TTN: variants seen among roughly 807,000 people sequenced by gnomAD.
TTN encodes the protein titin.
In TTN, 1,525 loss-of-function variants were observed where a neutral mutation model predicts 3,223.0. The observed-to-expected ratio is 0.47, with a 90% confidence interval of 0.45 to 0.49. The LOEUF (loss-of-function observed/expected upper bound fraction) is 0.49. Ranked by LOEUF, TTN falls within the 20% of genes least tolerant of loss-of-function variation. The pLI, the probability that TTN is intolerant of heterozygous loss-of-function variation, is 0.00. For synonymous variants in TTN, 14,094 were observed against 15,161.0 expected (o/e 0.93, Z 5.17); for missense variants, 40,786 against 43,424.0 (o/e 0.94, Z 5.40).
Position 178,684,004 on chromosome 2 carries a change from G to A in TTN, c.32801C>T (p.Ala10934Val). Residue 10934 changes from alanine (A) to valine (V), a missense_variant, in exon 133 of 363, where the codon GCT becomes GTT. By Grantham distance (64) the Ala-to-Val change is moderately conservative. Coordinates refer to ENST00000589042, the MANE Select transcript of TTN (RefSeq NM_001267550.2). ...LKPKREEEPP[A>V]KVTEFRKRVV... ...TTTTTTAAGAGTCAGTATACCTTTAGCTGGTGGTTCCTCCTCTCTTTTAGG... is the reference window on the plus strand; with the variant it reads ...TTTTTTAAGAGTCAGTATACCTTTAACTGGTGGTTCCTCCTCTCTTTTAGG... The A allele has an allele frequency of 1.3e-6, 2 of 1,586,862 alleles. No individual in the cohort carries two copies. Among genetic ancestry groups the A allele is most frequent in the Non-Finnish European group, 1.7e-6 (2 of 1,169,222 alleles).
chr2:178,587,245 TTTC>T lies in TTN; in HGVS notation c.63963_63965del (p.Lys21322del). 1 of 1,613,232 alleles carries T rather than the reference TTTC, an allele frequency of 6.2e-7. No individual in the cohort carries two copies. The highest frequency in any genetic ancestry group is 8.5e-7 in the Non-Finnish European group (1 of 1,179,468). On this transcript the variant is annotated inframe_deletion, in exon 307 of 363. Transcript: ENST00000589042. ...CAAGATTGGTTACATGGAAGCTTGT[TTTC>T]TTAACTTCTGGGGTAACGGTCGACC...
At chr2:178,645,420 T>G (rs975491224) in intron 217 of TTN, among the ~76,000 whole-genome samples, 10 of 149,238 alleles carry the variant, frequency 6.7e-5, no homozygotes, top group African/African-American at 2.6e-4. Flanking sequence ...TTTCCTTTCA[T>G]GATATATAGG....
chr2:178,615,352 C>G lies in TTN; in HGVS notation c.48593G>C (p.Gly16198Ala). ...TCCACAGGCAACCCATTTATCAGAA[C>G]CACGTGGACATCTTTCAACTATATA... ...KGYIVERCPR[G>A]SDKWVACGEP... is the part of the protein sequence containing the mutation. Residue 16198 changes from glycine to alanine, a missense_variant, in exon 259 of 363, where the codon GGT becomes GCT. Transcript: ENST00000589042. 1.2e-6 allele frequency: 2 copies of G among 1,612,482 alleles called. No individual in the cohort carries two copies. Among genetic ancestry groups the G allele is most frequent in the Non-Finnish European group, 1.7e-6 (2 of 1,179,006 alleles).
chr2:178,670,987 A>C (rs930964789), intron 156 of TTN, 103 bp downstream of exon 156: 2 of 830,762 alleles, frequency 2.4e-6, no homozygotes, highest in African/African-American at 3.6e-5. Flanking sequence ...GAAACAAGAA[A>C]TACAGAAGAA....
At position 178,535,778 on chromosome 2, in the gene TTN, C is replaced by T. The variant is rs1691163067; in HGVS notation, c.100837G>A (p.Val33613Ile). The change falls in exon 358 of 363, where the codon GTC becomes ATC. Residue 33613 changes from valine to isoleucine, a missense_variant. By Grantham distance (29) the Val-to-Ile change is conservative. Coordinates refer to ENST00000589042, the MANE Select transcript of TTN (RefSeq NM_001267550.2). ...CCACTGAAAGGAATCTTGATGCTGACCACTTCACCTCGGAGAGCATGAACT... is the reference window on the plus strand; with the variant it reads ...CCACTGAAAGGAATCTTGATGCTGATCACTTCACCTCGGAGAGCATGAACT... ...GAVHALRGEVVSIKIPFSGKP... is the reference protein window; with the variant it reads ...GAVHALRGEVISIKIPFSGKP... 1.2e-6 allele frequency: 2 copies of T among 1,612,878 alleles called. No individual in the cohort carries two copies. The highest frequency in any genetic ancestry group is 1.7e-6 in the Non-Finnish European group (2 of 1,179,706).
At position 178,582,185 on chromosome 2, in the gene TTN, G is replaced by A; in HGVS notation, c.66184C>T (p.Pro22062Ser). 4 of 1,612,694 alleles carry A rather than the reference G, an allele frequency of 2.5e-6. No homozygotes were observed. Among genetic ancestry groups the A allele is most frequent in the Non-Finnish European group, 3.4e-6 (4 of 1,179,428 alleles). Reference protein sequence around the residue: ...PYDPPGRCDPPVISNITKDHM... With the variant: ...PYDPPGRCDPSVISNITKDHM... ...TCTTTGGTTATGTTGCTAATAACAG[G>A]AGGATCACAGCGTCCTGGTGGGTCT... The change falls in exon 315 of 363, where the codon CCT becomes TCT. Residue 22062 changes from proline (P) to serine (S), a missense_variant. Pro to Ser is a moderately conservative substitution (Grantham distance 74). Coordinates refer to ENST00000589042, the MANE Select transcript of TTN (RefSeq NM_001267550.2).
At chr2:178,652,630 C>T (rs777823682) in intron 201 of TTN, 23 bp downstream of exon 201, 64 of 1,608,326 alleles carry the variant, frequency 4.0e-5, no homozygotes, top group East Asian at 1.8e-4. Flanking sequence ...GATCTTCTGA[C>T]GCTTAAACTC....
chr2:178,598,879 A>G lies in TTN; in HGVS notation c.56831T>C (p.Leu18944Ser). 6.2e-7 allele frequency: 1 copy of G among 1,613,242 alleles called. No individual in the cohort carries two copies. The highest frequency in any genetic ancestry group is 8.5e-7 in the Non-Finnish European group (1 of 1,179,504). ...ACCAGTCACTTTATAAGAAACACCC[A>G]AAGTCATGGCTTTGATAGGATCTCG... ...VNRDPIKAMT[L>S]GVSYKVTGLI... The change falls in exon 291 of 363, where the codon TTG becomes TCG. Residue 18944 changes from leucine to serine, a missense_variant. Leu to Ser is a moderately radical substitution (Grantham distance 145). Transcript: ENST00000589042.
At chr2:178,714,797 C>T (rs1577898098) in intron 90 of TTN, among the ~76,000 whole-genome samples, 189 bp downstream of exon 90, 1 of 152,050 alleles carries the variant, frequency 6.6e-6, no homozygotes, top group African/African-American at 2.4e-5. Context: ...CTAATTACAA[C>T]ATTATCTAAA....
At position 178,630,850 on chromosome 2, in the gene TTN, A is replaced by C. The variant is rs2059714410; in HGVS notation, c.44108T>G (p.Ile14703Ser). The C allele has an allele frequency of 6.2e-7, 1 of 1,613,220 alleles. No individual in the cohort carries two copies. The highest frequency in any genetic ancestry group is 8.5e-7 in the Non-Finnish European group (1 of 1,179,522). ...TCCCTTGAGTTTCCAGTTGGCGTGG[A>C]TATCATCTTCAGAGATTTCGGTTTC... ...RFETEISEDD[I>S]HANWKLKGEA... Residue 14703 changes from isoleucine (I) to serine (S), a missense_variant, in exon 238 of 363, where the codon ATC (isoleucine) becomes AGC (serine). Transcript: ENST00000589042.
intron 361 of TTN, 181 bp downstream of exon 361, chr2:178,528,093 C>G (rs780285987): frequency 5.8e-5 from 40 of 688,712 alleles, no homozygotes; most frequent in Non-Finnish European, 7.9e-5. Context: ...TGTAATCTAT[C>G]CAAGTTTCTG....
In TTN at chr2:178,614,639, C is replaced by T; in HGVS notation, c.48875G>A (p.Trp16292Ter). The change falls in exon 261 of 363, where the codon TGG becomes TAG. Residue 16292 changes from tryptophan to a stop codon, truncating the protein, a stop_gained. Coordinates refer to ENST00000589042, the MANE Select transcript of TTN (RefSeq NM_001267550.2). LOFTEE classifies it high-confidence loss of function. ...CTTCAGAATCATATCAGCCTTTGTC[C>T]AAGTTATTTTAGGTTCAGGTTTTCC... ...VTGKPEPKIT[W>*]TKADMILKQD... The T allele has an allele frequency of 1.2e-6, 2 of 1,612,326 alleles. No homozygotes were observed. Among genetic ancestry groups the T allele is most frequent in the Non-Finnish European group, 1.7e-6 (2 of 1,179,136 alleles).
chr2:178,635,684 T>A lies in TTN; in HGVS notation c.41640A>T (p.Ile13880=). 6.2e-7 allele frequency: 1 copy of A among 1,602,174 alleles called. No individual in the cohort carries two copies. The highest frequency in any genetic ancestry group is 8.5e-7 in the Non-Finnish European group (1 of 1,173,978). ...CCTTGGGTTTCACATGCTGGTCTCG[T>A]ATAGGTTTCACCAGCCAATCTCTAA... The part of the protein sequence containing the change: ...EVIRDWLVKP[I]RDQHVKPKGT... The change falls in exon 227 of 363, where the codon ATA becomes ATT. Residue 13880 remains isoleucine (I), a synonymous_variant. Transcript: ENST00000589042.
At chr2:178,600,644 C>T (rs1257388450) in intron 288 of TTN, 6 of 625,020 alleles carry the variant, frequency 9.6e-6, no homozygotes, top group Non-Finnish European at 1.7e-5. Context: ...ACATCATCTC[C>T]TTTGAACAGG....
At position 178,665,696 on chromosome 2, in the gene TTN, G is replaced by A. The variant is rs948180411; in HGVS notation, c.35959+12C>T. The A allele has an allele frequency of 7.5e-7, 1 of 1,335,858 alleles. No individual in the cohort carries two copies. Among genetic ancestry groups the A allele is most frequent in the African/African-American group, 1.5e-5 (1 of 67,506 alleles). 82.8% of individuals were successfully genotyped at this position (1,335,858 alleles called of 1,614,324 possible). A position where few individuals can be genotyped will look rare whatever the true frequency, so the allele number is the denominator to read the frequency against. On this transcript the variant is annotated intron_variant, in intron 164 of 362. Coordinates refer to ENST00000589042, the MANE Select transcript of TTN (RefSeq NM_001267550.2). ...TAATAAATGAAGGAAGGAATGGCAG[G>A]ATGAACGATACCTTTAGTGGGAGGT... is the stretch of plus-strand genomic sequence containing the variant.
chr2:178,533,265 G>A lies in TTN; in HGVS notation c.103350C>T (p.His34450=), dbSNP rs1224932095. 1 of 1,613,832 alleles carries A rather than the reference G, an allele frequency of 6.2e-7. No homozygotes were observed. The highest frequency in any genetic ancestry group is 1.7e-5 in the Admixed American group (1 of 60,000). Residue 34450 remains histidine (H), a synonymous_variant, in exon 358 of 363, where the codon CAC becomes CAT. Coordinates refer to ENST00000589042, the MANE Select transcript of TTN (RefSeq NM_001267550.2). ...NTAGSTSCQA[H]LQVERLRYKK... ...TGTACCTCAGGCGTTCCACTTGTAG[G>A]TGAGCCTGGCAGCTGGTGGACCCAG...
Position 178,532,750 on chromosome 2 carries a change from G to A in TTN, c.103865C>T (p.Pro34622Leu), listed in dbSNP as rs762716728. The change falls in exon 358 of 363, where the codon CCT becomes CTT. Residue 34622 changes from proline (P) to leucine (L), a missense_variant. Transcript: ENST00000589042. ...CTCAAGATCATCTTGGGACAGTTTA[G>A]GAATACGCCATTTAGGTCTGTATTG... ...TDQYRPKWRI[P>L]KLSQDDLEIV... The A allele has an allele frequency of 6.2e-7, 1 of 1,613,920 alleles. No homozygotes were observed. Among genetic ancestry groups the A allele is most frequent in the Non-Finnish European group, 8.5e-7 (1 of 1,179,860 alleles).
chr2:178,730,021 T>TCCCCCCC, intron 62 of TTN, 72 bp downstream of exon 62: 5 of 1,558,064 alleles, frequency 3.2e-6, no homozygotes, highest in Non-Finnish European at 4.4e-6. Context: ...GTCTTAAGCG[T>TCCCCCCC]CCCCCGCCCC....
chr2:178,734,018 TAGA>T, intron 52 of TTN, 126 bp from the exon 53 acceptor site: 1 of 969,402 alleles, frequency 1.0e-6, no homozygotes, highest in South Asian at 2.5e-5. Context: ...TAGTGTTAAT[TAGA>T]AGAAGAAATA....
Sources: allele counts gnomAD v4.1 joint callset (sites outside exome capture counted in the v4.1 genomes callset), GRCh38; gene constraint gnomAD v4.1.1; transcripts MANE v1.5; gene names NCBI Gene and HGNC (gene_info 2026-07-23, HGNC 2026-07-21).